FOXP4: variants seen among roughly 807,000 people sequenced by gnomAD.
FOXP4 encodes the protein forkhead box P4, also known as forkhead box protein P4.
A neutral mutation model predicts 82.6 loss-of-function variants in FOXP4; 25 were observed. That is an observed-to-expected ratio of 0.30 (90% CI 0.22 to 0.42). The LOEUF (loss-of-function observed/expected upper bound fraction) is 0.42, where lower values mean the gene tolerates loss of function less well. Ranked by LOEUF, FOXP4 falls within the 10% of genes least tolerant of loss-of-function variation. The pLI is 1.00. For missense variants in FOXP4, 785 were observed against 900.9 expected, an observed-to-expected ratio of 0.87 and a Z score of 1.65; for synonymous variants, 415 against 388.2, an observed-to-expected ratio of 1.07 and a Z score of -0.81.
intron 16 of FOXP4, 119 bp from the exon 17 acceptor site, chr6:41,598,670 C>T: frequency 7.0e-7 from 1 of 1,438,096 alleles, no homozygotes; most frequent in East Asian, 2.5e-5. Context: ...TGATGGGATC[C>T]TGGGGAGGGG....
At chr6:41,562,453 C>T (rs1175940991) in intron 1 of FOXP4, among the ~76,000 whole-genome samples, 1 of 152,120 alleles carries the variant, frequency 6.6e-6, no homozygotes, top group Non-Finnish European at 1.5e-5. Context: ...CACCACATTG[C>T]AGCAATTATG....
chr6:41,565,852 G>A lies in FOXP4; in HGVS notation c.92G>A (p.Ser31Asn), dbSNP rs756317059. The A allele has an allele frequency of 3.1e-6, 5 of 1,613,906 alleles. No homozygotes were observed. Among genetic ancestry groups the A allele is most frequent in the Non-Finnish European group, 4.2e-6 (5 of 1,179,970 alleles). ...CTCTCTGGGCAAGCCGATGGCAGCA[G>A]CGGCGGGGCCACAGGGACAACTGCA... ...GSLSGQADGS[S>N]GGATGTTASG... Residue 31 changes from serine (S) to asparagine (N), a missense_variant, in exon 2 of 17, where the codon AGC becomes AAC. Coordinates refer to ENST00000307972, the MANE Select transcript of FOXP4 (RefSeq NM_001012426.2).
intron 2 of FOXP4, among the ~76,000 whole-genome samples, chr6:41,575,577 A>AGG (rs1226067269): frequency 6.6e-6 from 1 of 151,828 alleles, no homozygotes; most frequent in Non-Finnish European, 1.5e-5. Context: ...TGTCACAGGG[A>AGG]GGGGGAGGTC....
chr6:41,597,341 G>C, intron 15 of FOXP4, 99 bp downstream of exon 15: 1 of 1,287,782 alleles, frequency 7.8e-7, no homozygotes, highest in Non-Finnish European at 1.1e-6. Flanking sequence ...CTCACCAGAG[G>C]AGGGAAGGAG....
chr6:41,554,859 C>T (rs938723470), intron 1 of FOXP4, among the ~76,000 whole-genome samples: 1 of 150,056 alleles, frequency 6.7e-6, no homozygotes, highest in Non-Finnish European at 1.5e-5. Context: ...GACTCTGCCT[C>T]CAAAAAAAAA....
At chr6:41,577,937 ATCCCACCCAGCC>A (rs1765577267) in intron 2 of FOXP4, 37 bp from the exon 3 acceptor site, 3 of 1,434,100 alleles carry the variant, frequency 2.1e-6, no homozygotes, top group African/African-American at 2.8e-5. Flanking sequence ...TAATCCCTGG[ATCCCACCCAGCC>A]TCCCAGGCCA....
At position 41,599,129 on chromosome 6, in the gene FOXP4, G is replaced by T; in HGVS notation, c.*193G>T. 1.4e-6 allele frequency: 1 copy of T among 692,266 alleles called. No individual in the cohort carries two copies. 42.9% of individuals were successfully genotyped at this position (692,266 alleles called of 1,614,324 possible). On this transcript the variant is annotated 3_prime_UTR_variant, in exon 17 of 17. Coordinates refer to ENST00000307972, the MANE Select transcript of FOXP4 (RefSeq NM_001012426.2). The stretch of plus-strand genomic sequence containing the variant: ...GGCAGGGACGGTCCCCACCCCCAGG[G>T]ACACAACCCCTGGTCTTGGACCAGT...
Position 41,591,131 on chromosome 6 carries a change from C to A in FOXP4, c.1435-90C>A. 1 of 1,021,806 alleles carries A rather than the reference C, an allele frequency of 9.8e-7. No individual in the cohort carries two copies. Among genetic ancestry groups the A allele is most frequent in the Non-Finnish European group, 1.5e-6 (1 of 667,776 alleles). The allele number at this position is 1,021,806 out of a possible 1,614,324, so 63.3% of individuals were successfully genotyped here. On this transcript the variant is annotated intron_variant, in intron 12 of 16. Transcript: ENST00000307972. This position sits in a 1 kb window ranked among gnomAD's most constrained non-coding sequence, Gnocchi z 4.2. ...CTCACAAAGTGAACTCGGGGCTAGG[C>A]AGAAGGGAGAGGTACTGGGGGAGGG...
At chr6:41,577,061 G>A (rs527675865) in intron 2 of FOXP4, among the ~76,000 whole-genome samples, 152 of 152,048 alleles carry the variant, frequency 1.0e-3, no homozygotes, top group African/African-American at 3.4e-3. Flanking sequence ...CCTACCAGAC[G>A]TCTCACTGCC....
At chr6:41,549,849 C>T (rs980234578) in intron 1 of FOXP4, among the ~76,000 whole-genome samples, 4 of 152,124 alleles carry the variant, frequency 2.6e-5, no homozygotes, top group Admixed American at 2.6e-4. Flanking sequence ...CATCTTAACC[C>T]TTCCTACCCC....
rs1433237848 is a variant in FOXP4, at chr6:41,593,218, C to T, written c.1537-1652C>T. On this transcript the variant is annotated intron_variant, in intron 13 of 16. Coordinates refer to ENST00000307972, the MANE Select transcript of FOXP4 (RefSeq NM_001012426.2). This position sits in a 1 kb window ranked among gnomAD's most constrained non-coding sequence, Gnocchi z 4.1. Reference sequence around the variant, plus strand: ...TCAGCCCCTCAGGTCATCTCTGCTCCTCTCCCGAATTATTTGTGCTTTCTT... The same window carrying T: ...TCAGCCCCTCAGGTCATCTCTGCTCTTCTCCCGAATTATTTGTGCTTTCTT... 1.3e-5 allele frequency among the ~76,000 whole-genome samples: 2 copies of T among 152,226 alleles called. No individual in the cohort carries two copies. Among genetic ancestry groups the T allele is most frequent in the African/African-American group, 4.8e-5 (2 of 41,450 alleles).
At chr6:41,549,985 A>G (rs1165188067) in intron 1 of FOXP4, among the ~76,000 whole-genome samples, 1 of 152,158 alleles carries the variant, frequency 6.6e-6, no homozygotes, top group Non-Finnish European at 1.5e-5. Flanking sequence ...CTTCCATCCA[A>G]GAAACTCCTC....
chr6:41,593,284 C>G lies in FOXP4; in HGVS notation c.1537-1586C>G, dbSNP rs575815547. ...CTTTGCTGGCTCCCACCCTGAGATA[C>G]TTTCCACCTCAGACCAGGGCAGAAG... On this transcript the variant is annotated intron_variant, in intron 13 of 16. Transcript: ENST00000307972. The surrounding 1 kb of genome is among the most constrained non-coding windows in gnomAD (Gnocchi z 4.1). Among the ~76,000 whole-genome samples the G allele has an allele frequency of 2.2e-4, 34 of 152,298 alleles. 1 individual carries two copies. The South Asian group carries it at 6.8e-3, about 31-fold the overall frequency.
Position 41,584,782 on chromosome 6 carries a change from T to TGGCCATGATGTCGCC in FOXP4, c.316_330dup (p.Ala106_Pro110dup), listed in dbSNP as rs1766003102. On this transcript the variant is annotated inframe_insertion, in exon 4 of 17. Coordinates refer to ENST00000307972, the MANE Select transcript of FOXP4 (RefSeq NM_001012426.2). ...CGAATCCTGCAGGTGCCTGTGTCGGTGGCCATGATGTCGCCGCAGATGCTT... is the reference window on the plus strand; with the variant it reads ...CGAATCCTGCAGGTGCCTGTGTCGGTGGCCATGATGTCGCCGGCCATGATGTCGCCGCAGATGCTT... 6.3e-7 allele frequency: 1 copy of TGGCCATGATGTCGCC among 1,592,794 alleles called. No individual in the cohort carries two copies. Among genetic ancestry groups the TGGCCATGATGTCGCC allele is most frequent in the Non-Finnish European group, 8.5e-7 (1 of 1,169,952 alleles).
At chr6:41,586,987 G>C (rs747744448) in intron 5 of FOXP4, 22 bp from the exon 6 acceptor site, 3 of 1,556,504 alleles carry the variant, frequency 1.9e-6, no homozygotes, top group East Asian at 2.3e-5. Flanking sequence ...CTCTCTGCCC[G>C]CCCCCTCGGG....
intron 12 of FOXP4, 94 bp downstream of exon 12, chr6:41,590,441 C>G: frequency 7.5e-7 from 1 of 1,341,600 alleles, no homozygotes; most frequent in South Asian, 1.3e-5. Context: ...GTCCTGGGGC[C>G]AAGCAATGGA....
intron 5 of FOXP4, 126 bp from the exon 6 acceptor site, chr6:41,586,883 G>T: frequency 7.1e-7 from 1 of 1,416,208 alleles, no homozygotes; most frequent in Non-Finnish European, 9.3e-7. Flanking sequence ...TGCAGCTGCA[G>T]ACGCCACAAC....
intron 2 of FOXP4, among the ~76,000 whole-genome samples, chr6:41,566,715 T>A (rs555757288): frequency 6.6e-6 from 1 of 152,310 alleles, no homozygotes; most frequent in Admixed American, 6.5e-5. Flanking sequence ...GAGGAGAACC[T>A]TCCCAGCCAA....
In FOXP4 at chr6:41,589,970, C is replaced by G; in HGVS notation, c.1157C>G (p.Pro386Arg). Residue 386 changes from proline to arginine, a missense_variant, in exon 11 of 17, where the codon CCG (proline) becomes CGG (arginine). By Grantham distance (103) the Pro-to-Arg change is moderately radical. Transcript: ENST00000307972. ...CCTCCCCGTTGCTCACAGCTGAACC[C>G]GGTCCCCGGCTCCTCCTCATTCTCC... Reference protein sequence around the residue: ...EPKPFSQPLNPVPGSSSFSKV... With the variant: ...EPKPFSQPLNRVPGSSSFSKV... The G allele has an allele frequency of 3.7e-6, 6 of 1,613,902 alleles. No homozygotes were observed. The Middle Eastern group carries it at 8.3e-4, about 222-fold the overall frequency.
Sources: allele counts gnomAD v4.1 joint callset (sites outside exome capture counted in the v4.1 genomes callset), GRCh38; gene constraint gnomAD v4.1.1; non-coding constraint Gnocchi (gnomAD v3.1); transcripts MANE v1.5; gene names NCBI Gene and HGNC (gene_info 2026-07-23, HGNC 2026-07-21).